ADCK1: variants seen among roughly 807,000 people sequenced by gnomAD.
The protein encoded by ADCK1 is aarF domain-containing protein kinase 1.
ADCK1 carries 41 observed loss-of-function variants against 52.3 expected under a neutral mutation model. That is an observed-to-expected ratio of 0.78 (90% CI 0.61 to 1.02). ADCK1 has a LOEUF of 1.02. Among genes scored for constraint, ADCK1 ranks in the 50% least tolerant of loss-of-function variants. The probability of loss-of-function intolerance (pLI) is 0.00; values close to 1 mark genes in which losing one functional copy is unlikely to be tolerated. For synonymous variants in ADCK1, 250 were observed against 274.6 expected, an observed-to-expected ratio of 0.91 and a Z score of 0.89; for missense variants, 658 against 679.5, an observed-to-expected ratio of 0.97 and a Z score of 0.35.
At chr14:77,888,528 G>A (rs1197832549) in intron 5 of ADCK1, among the ~76,000 whole-genome samples, 2 of 152,086 alleles carry the variant, frequency 1.3e-5, no homozygotes, top group Non-Finnish European at 2.9e-5. Flanking sequence ...AGAATGGATT[G>A]GAAGGCAGAA....
At chr14:77,912,944 C>T (rs920136517) in intron 7 of ADCK1, among the ~76,000 whole-genome samples, 1 of 152,142 alleles carries the variant, frequency 6.6e-6, no homozygotes, top group Non-Finnish European at 1.5e-5. Context: ...TGCTGTATAA[C>T]CTTAGGCAAA....
intron 7 of ADCK1, among the ~76,000 whole-genome samples, chr14:77,910,775 G>C (rs77487861): frequency 0.011 from 1,730 of 152,350 alleles, 46 homozygotes; most frequent in African/African-American, 0.04. Context: ...GCCGGAGGGG[G>C]CAGCTAGGCT....
At chr14:77,888,334 C>T (rs535688479) in intron 5 of ADCK1, among the ~76,000 whole-genome samples, 51 of 152,130 alleles carry the variant, frequency 3.4e-4, no homozygotes, top group African/African-American at 1.1e-3. Context: ...GGACAGAACA[C>T]GGGGGGTTTG....
At chr14:77,805,984 C>G (rs1247867524) in intron 1 of ADCK1, among the ~76,000 whole-genome samples, 1 of 122,576 alleles carries the variant, frequency 8.2e-6, no homozygotes, top group African/African-American at 3.1e-5. Context: ...CCTATTCTTA[C>G]GGCTTTTTTT....
chr14:77,907,761 C>T (rs774699503), intron 6 of ADCK1, 42 bp from the exon 7 acceptor site: 2 of 1,511,218 alleles, frequency 1.3e-6, no homozygotes, highest in Admixed American at 3.7e-5. Context: ...TGCCCGATTC[C>T]CAGCTTCCCC....
intron 3 of ADCK1, among the ~76,000 whole-genome samples, chr14:77,852,883 G>GTGTATATATA (rs1555351667): frequency 2.2e-4 from 4 of 18,502 alleles, no homozygotes; most frequent in Non-Finnish European, 4.0e-4. Context: ...TTTTATGTGT[G>GTGTATATATA]TATATATATA....
chr14:77,861,176 G>A (rs1393928773), intron 4 of ADCK1, among the ~76,000 whole-genome samples: 3 of 152,208 alleles, frequency 2.0e-5, no homozygotes, highest in Non-Finnish European at 4.4e-5. Flanking sequence ...GACCCCTGAG[G>A]AAATGGGCTA....
chr14:77,800,656 C>A lies in ADCK1; in HGVS notation c.-12+486C>A, dbSNP rs28604528. Reference sequence around the variant, plus strand: ...GGTCTTGCGAACGTGCCCCAGACCGCTGCTTATCTCCAGCATCTTGCAGGG... The same window carrying A: ...GGTCTTGCGAACGTGCCCCAGACCGATGCTTATCTCCAGCATCTTGCAGGG... On this transcript the variant is annotated intron_variant, in intron 1 of 10. Coordinates refer to ENST00000238561, the MANE Select transcript of ADCK1 (RefSeq NM_020421.4). Among the ~76,000 whole-genome samples the A allele has an allele frequency of 7.4e-4, 112 of 152,362 alleles. 1 individual carries two copies. Among genetic ancestry groups the A allele is most frequent in the South Asian group, 6.6e-3 (32 of 4,832 alleles).
At chr14:77,845,434 T>C (rs1051293829) in intron 3 of ADCK1, among the ~76,000 whole-genome samples, 11 of 152,280 alleles carry the variant, frequency 7.2e-5, no homozygotes, top group South Asian at 2.1e-4. Flanking sequence ...TTTTCTTCCT[T>C]TTTGTTGAGA....
At chr14:77,819,544 G>A (rs766466922) in intron 2 of ADCK1, among the ~76,000 whole-genome samples, 1 of 152,180 alleles carries the variant, frequency 6.6e-6, no homozygotes, top group Non-Finnish European at 1.5e-5. Flanking sequence ...AGGATGAATG[G>A]TTCCTGATGC....
At chr14:77,883,790 G>C (rs1477301686) in intron 4 of ADCK1, among the ~76,000 whole-genome samples, 1 of 152,158 alleles carries the variant, frequency 6.6e-6, no homozygotes, top group Non-Finnish European at 1.5e-5. Context: ...TGCTTCTGCT[G>C]GTGGAACTGG....
intron 3 of ADCK1, among the ~76,000 whole-genome samples, chr14:77,831,770 A>C (rs1335025975): frequency 6.6e-6 from 1 of 152,084 alleles, no homozygotes; most frequent in Non-Finnish European, 1.5e-5. Context: ...CAACCTTTAG[A>C]ACCATGGGAT....
At position 77,933,223 on chromosome 14, in the gene ADCK1, C is replaced by G. The variant is rs1566747872; in HGVS notation, c.1404C>G (p.His468Gln). 1 of 1,612,192 alleles carries G rather than the reference C, an allele frequency of 6.2e-7. No homozygotes were observed. Among genetic ancestry groups the G allele is most frequent in the East Asian group, 2.2e-5 (1 of 44,836 alleles). The change falls in exon 11 of 11, where the codon CAC becomes CAG. Residue 468 changes from histidine to glutamine, a missense_variant. Transcript: ENST00000238561. ...SRCCIRALAEHKKKNTCSFFR... is the reference protein window; with the variant it reads ...SRCCIRALAEQKKKNTCSFFR... ...TTTTTTCTTTCCCTTTTTCCAGGCA[C>G]AAGAAGAAGAATACCTGTTCATTCT...
chr14:77,824,436 C>CT (rs755099441), intron 3 of ADCK1, among the ~76,000 whole-genome samples: 5,489 of 133,888 alleles, frequency 0.041, 164 homozygotes, highest in South Asian at 0.12. Context: ...TTCTTTCTTT[C>CT]TTTTTTTTTT....
intron 4 of ADCK1, among the ~76,000 whole-genome samples, chr14:77,879,020 A>T (rs1291587077): frequency 2.0e-5 from 3 of 151,936 alleles, no homozygotes; most frequent in Non-Finnish European, 4.4e-5. Context: ...CATTATTATC[A>T]CAACATTTCC....
intron 3 of ADCK1, among the ~76,000 whole-genome samples, chr14:77,847,755 C>T (rs2082200753): frequency 6.6e-6 from 1 of 152,200 alleles, no homozygotes; most frequent in Non-Finnish European, 1.5e-5. Context: ...CATCAGAGAC[C>T]CCATGCTTCT....
intron 4 of ADCK1, among the ~76,000 whole-genome samples, chr14:77,867,484 C>T (rs752600105): frequency 1.6e-4 from 25 of 152,178 alleles, no homozygotes; most frequent in Admixed American, 3.9e-4. Flanking sequence ...CATTTCCCCC[C>T]CAATAATGCT....
intron 3 of ADCK1, among the ~76,000 whole-genome samples, chr14:77,830,282 T>A (rs2081816599): frequency 6.6e-6 from 1 of 151,014 alleles, no homozygotes; most frequent in South Asian, 2.1e-4. Flanking sequence ...GCCTCCCGAG[T>A]AGCTAGGACT....
Position 77,933,977 on chromosome 14 carries a change from T to G in ADCK1, c.*586T>G, listed in dbSNP as rs8009619. ...GCAGGATTTGTCCATCATAACTCAC[T>G]GGCCTCCCACCTGACCCCAGGCACG... On this transcript the variant is annotated 3_prime_UTR_variant, in exon 11 of 11. Transcript: ENST00000238561. The G allele has an allele frequency of 0.5, 76,882 of 152,300 alleles. 20,205 individuals are homozygous for G. The highest frequency in any genetic ancestry group is 0.64 in the African/African-American group (26,443 of 41,444). The allele number at this position is 152,300 out of a possible 1,614,324, so 9.4% of individuals were successfully genotyped here.
Sources: gnomAD v4.1 joint callset for allele counts (sites outside exome capture counted in the v4.1 genomes callset) on GRCh38, gnomAD v4.1.1 for gene constraint, MANE v1.5 for transcripts, NCBI Gene and HGNC (gene_info 2026-07-23, HGNC 2026-07-21) for gene names.